Variants in DLG2 observed in about 807,000 individuals in gnomAD.
DLG2 encodes the protein disks large homolog 2.
A neutral mutation model predicts 132.5 loss-of-function variants in DLG2; 45 were observed. The ratio of observed to expected loss-of-function variants is 0.34; its 90% confidence interval spans 0.27 to 0.44. The LOEUF (loss-of-function observed/expected upper bound fraction) is 0.44. DLG2 is among the 20% of genes least tolerant of loss of function. The pLI, the probability that DLG2 is intolerant of heterozygous loss-of-function variation, is 1.00. For synonymous variants in DLG2, 424 were observed against 419.6 expected (o/e 1.01, Z -0.13); for missense variants, 1,045 against 1,196.9 (o/e 0.87, Z 1.87).
chr11:83,514,889 C>CATA (rs1565579488), intron 21 of DLG2, among the ~76,000 whole-genome samples: 8 of 150,966 alleles, frequency 5.3e-5, no homozygotes, highest in Admixed American at 2.6e-4. Context: ...CCCACTTGAC[C>CATA]GTGGATATGC....
intron 6 of DLG2, among the ~76,000 whole-genome samples, chr11:84,821,828 A>G (rs1258276257): frequency 6.6e-6 from 1 of 151,838 alleles, no homozygotes; most frequent in African/African-American, 2.4e-5. Flanking sequence ...GAATATAGAT[A>G]GGGCTTGTCT....
At chr11:83,946,459 A>C (rs2154143573) in intron 14 of DLG2, among the ~76,000 whole-genome samples, 1 of 152,336 alleles carries the variant, frequency 6.6e-6, no homozygotes, top group African/African-American at 2.4e-5. Context: ...CATGGGGCTA[A>C]GGACTCTGTT....
chr11:85,087,561 G>A (rs61907795), intron 6 of DLG2, among the ~76,000 whole-genome samples: 8,226 of 152,274 alleles, frequency 0.054, 366 homozygotes, highest in South Asian at 0.21. Context: ...ATCATGGGCC[G>A]GGCGCGGTGG....
intron 7 of DLG2, chr11:84,317,456 T>C: frequency 1.1e-6 from 1 of 893,134 alleles, no homozygotes; most frequent in Non-Finnish European, 1.4e-6. Flanking sequence ...CTGTACACTG[T>C]GTTACAAACC....
At chr11:85,018,360 G>T in intron 6 of DLG2, among the ~76,000 whole-genome samples, 1 of 152,064 alleles carries the variant, frequency 6.6e-6, no homozygotes, top group Non-Finnish European at 1.5e-5. Flanking sequence ...TACCTGGAAG[G>T]GGGAAAAAAC....
At chr11:85,561,534 C>G (rs567501581) in intron 3 of DLG2, among the ~76,000 whole-genome samples, 8 of 151,518 alleles carry the variant, frequency 5.3e-5, no homozygotes, top group African/African-American at 1.9e-4. Context: ...ATTTCCCTCG[C>G]ATTAGCACTT....
At chr11:84,501,839 G>T (rs2099206690) in intron 7 of DLG2, among the ~76,000 whole-genome samples, 1 of 152,030 alleles carries the variant, frequency 6.6e-6, no homozygotes, top group African/African-American at 2.4e-5. Flanking sequence ...GAAAATAAAT[G>T]ATATAGTAGA....
At chr11:84,831,178 A>G (rs1052048965) in intron 6 of DLG2, among the ~76,000 whole-genome samples, 6 of 151,502 alleles carry the variant, frequency 4.0e-5, no homozygotes, top group Non-Finnish European at 8.9e-5. Flanking sequence ...ATAGTGGCTG[A>G]CAGAACAAAG....
At chr11:84,678,052 C>A (rs1238971767) in intron 6 of DLG2, among the ~76,000 whole-genome samples, 1 of 152,006 alleles carries the variant, frequency 6.6e-6, no homozygotes, top group Non-Finnish European at 1.5e-5. Context: ...TTCAAAAGCT[C>A]ACTTGTAAAA....
At chr11:84,623,319 G>A (rs760951712) in intron 6 of DLG2, among the ~76,000 whole-genome samples, 1 of 151,934 alleles carries the variant, frequency 6.6e-6, no homozygotes, top group Non-Finnish European at 1.5e-5. Flanking sequence ...ACACAAACTT[G>A]CTCCCTCCCT....
intron 8 of DLG2, among the ~76,000 whole-genome samples, chr11:84,238,956 G>A (rs1235417159): frequency 6.6e-6 from 1 of 152,056 alleles, no homozygotes; most frequent in Non-Finnish European, 1.5e-5. Context: ...CCAATAAATT[G>A]GGCAGCCCAC....
At chr11:84,135,930 G>A (rs965087882) in intron 9 of DLG2, among the ~76,000 whole-genome samples, 6 of 152,062 alleles carry the variant, frequency 3.9e-5, no homozygotes, top group Non-Finnish European at 7.4e-5. Flanking sequence ...GAGACATAAT[G>A]GTGGCTTGAA....
intron 6 of DLG2, among the ~76,000 whole-genome samples, chr11:84,824,884 C>T (rs1312552854): frequency 1.3e-5 from 2 of 151,884 alleles, no homozygotes; most frequent in Non-Finnish European, 2.9e-5. Flanking sequence ...CCCTCAGCCA[C>T]ATCTCCCATA....
intron 7 of DLG2, among the ~76,000 whole-genome samples, chr11:84,376,285 G>A (rs919193448): frequency 1.3e-5 from 2 of 151,958 alleles, no homozygotes; most frequent in African/African-American, 4.8e-5. Flanking sequence ...ATGTAAAGGA[G>A]ATTGAGGATA....
At chr11:84,843,988 T>C (rs2081047131) in intron 6 of DLG2, among the ~76,000 whole-genome samples, 1 of 150,022 alleles carries the variant, frequency 6.7e-6, no homozygotes, top group Admixed American at 6.7e-5. Context: ...GATACATATA[T>C]AAAGGTGATA....
intron 6 of DLG2, among the ~76,000 whole-genome samples, chr11:84,537,810 C>G (rs2099359139): frequency 6.6e-6 from 1 of 152,184 alleles, no homozygotes; most frequent in Non-Finnish European, 1.5e-5. Flanking sequence ...TTGAATATAG[C>G]CATGAGCTAC....
chr11:84,446,563 A>ATTT (rs61311812), intron 7 of DLG2, among the ~76,000 whole-genome samples: 3 of 145,154 alleles, frequency 2.1e-5, no homozygotes, highest in Admixed American at 6.9e-5. Flanking sequence ...TTTCATATCA[A>ATTT]TTTTTTTTTT....
intron 18 of DLG2, among the ~76,000 whole-genome samples, chr11:83,679,790 AT>A (rs1245775522): frequency 1.3e-5 from 2 of 152,094 alleles, no homozygotes; most frequent in Non-Finnish European, 2.9e-5. Context: ...AATTCTCCTA[AT>A]TTTCCCCTCC....
At chr11:84,110,533 A>G (rs1202916779) in intron 9 of DLG2, among the ~76,000 whole-genome samples, 1 of 152,188 alleles carries the variant, frequency 6.6e-6, no homozygotes, top group East Asian at 1.9e-4. Flanking sequence ...GTGAAGGAAA[A>G]TGGGGAAGCA....
Sources: allele counts gnomAD v4.1 joint callset (sites outside exome capture counted in the v4.1 genomes callset), GRCh38; gene constraint gnomAD v4.1.1; transcripts MANE v1.5; gene names NCBI Gene and HGNC (gene_info 2026-07-23, HGNC 2026-07-21).